The following NADSYN1 variants were observed in gnomAD, a reference collection of about 807,000 sequenced individuals.
NADSYN1 encodes NAD synthetase 1.
Under a neutral mutation model 99.3 loss-of-function variants are expected in NADSYN1, and 80 were observed. The ratio of observed to expected loss-of-function variants is 0.81; its 90% confidence interval spans 0.67 to 0.97. The LOEUF (loss-of-function observed/expected upper bound fraction) is 0.97. Among genes scored for constraint, NADSYN1 ranks in the 50% least tolerant of loss-of-function variants. The pLI is 0.00. For synonymous variants in NADSYN1, 385 were observed against 372.1 expected, an observed-to-expected ratio of 1.03 and a Z score of -0.40; for missense variants, 859 against 948.5, an observed-to-expected ratio of 0.91 and a Z score of 1.24.
intron 16 of NADSYN1, among the ~76,000 whole-genome samples, chr11:71,489,773 C>T (rs747548064): frequency 5.3e-5 from 8 of 152,128 alleles, no homozygotes; most frequent in Non-Finnish European, 1.2e-4. Flanking sequence ...TGAGAAGGCA[C>T]GGAGGTGTGA....
intron 16 of NADSYN1, among the ~76,000 whole-genome samples, chr11:71,486,684 C>T (rs1949745026): frequency 1.3e-5 from 2 of 152,132 alleles, no homozygotes; most frequent in African/African-American, 4.8e-5. Context: ...TTCATCTGTC[C>T]ACCCAACCCA....
At position 71,501,440 on chromosome 11, in the gene NADSYN1, A is replaced by G. The variant is rs762677113; in HGVS notation, c.*88A>G. 6.1e-6 allele frequency: 8 copies of G among 1,318,548 alleles called. No homozygotes were observed. The highest frequency in any genetic ancestry group is 8.4e-6 in the Non-Finnish European group (8 of 948,622). The allele number at this position is 1,318,548 out of a possible 1,614,324, so 81.7% of individuals were successfully genotyped here. ...CTGGAGCCAAGGGTAGGAGCCCTAC[A>G]CTAGGAGCCCAGGATGGGACGGCGC... On this transcript the variant is annotated 3_prime_UTR_variant, in exon 21 of 21. Transcript: ENST00000319023.
intron 8 of NADSYN1, among the ~76,000 whole-genome samples, 177 bp from the exon 9 acceptor site, chr11:71,474,213 AGGCGG>A (rs1164296632): frequency 6.6e-6 from 1 of 152,012 alleles, no homozygotes; most frequent in Non-Finnish European, 1.5e-5. Context: ...GCACCTAGCA[AGGCGG>A]GGCTCGCCGC....
chr11:71,473,435 G>A (rs1949642049), intron 7 of NADSYN1, 69 bp downstream of exon 7: 1 of 1,568,042 alleles, frequency 6.4e-7, no homozygotes, highest in Non-Finnish European at 8.8e-7. Flanking sequence ...ACCTGGGACT[G>A]CAGACGTCCT....
At chr11:71,501,246 A>G in intron 20 of NADSYN1, 56 bp from the exon 21 acceptor site, 1 of 1,443,130 alleles carries the variant, frequency 6.9e-7, no homozygotes, top group African/African-American at 1.4e-5. Flanking sequence ...CCAGTGTTTC[A>G]ACAGCCCCAC....
intron 9 of NADSYN1, chr11:71,474,731 G>A: frequency 3.5e-6 from 2 of 566,092 alleles, no homozygotes; most frequent in South Asian, 3.8e-5. Flanking sequence ...CCTGCTCCTG[G>A]CTCTCCCCTG....
chr11:71,472,537 T>C lies in NADSYN1; in HGVS notation c.459+37T>C, dbSNP rs772729979. ...GGTGTGGAGCCCGTTTTTCAGTCGG[T>C]TGTCGCTGTTCTCGGCCAACAGTGG... On this transcript the variant is annotated intron_variant, in intron 6 of 20. Coordinates refer to ENST00000319023, the MANE Select transcript of NADSYN1 (RefSeq NM_018161.5). 6.3e-6 allele frequency: 10 copies of C among 1,584,620 alleles called. No individual in the cohort carries two copies. The East Asian group carries it at 2.2e-4, about 35-fold the overall frequency.
intron 11 of NADSYN1, 61 bp from the exon 12 acceptor site, chr11:71,481,295 T>G: frequency 1.3e-6 from 2 of 1,558,972 alleles, no homozygotes; most frequent in Non-Finnish European, 1.8e-6. Context: ...CTTGGGTGGG[T>G]TGTTGGGTGC....
intron 18 of NADSYN1, among the ~76,000 whole-genome samples, chr11:71,495,473 G>T (rs568741426): frequency 1.3e-5 from 2 of 152,206 alleles, no homozygotes; most frequent in East Asian, 3.8e-4. Flanking sequence ...GTGTGCCCTT[G>T]GGAGGAAGGT....
intron 14 of NADSYN1, 48 bp downstream of exon 14, chr11:71,483,065 C>G: frequency 6.2e-7 from 1 of 1,606,050 alleles, no homozygotes. Flanking sequence ...TGACAGAGCT[C>G]AGAGTCACTG....
rs1949728887 is a variant in NADSYN1, at chr11:71,484,453, C to T, written c.1455+6C>T. On this transcript the variant is annotated splice_donor_region_variant and intron_variant, in intron 15 of 20. Transcript: ENST00000319023. ...TGGCGCTGCAAAATGTGCAGGTGCC[C>T]CCGCCTGGGCCGGCGTCCCCTGGGG... is the stretch of plus-strand genomic sequence containing the variant. 1.2e-6 allele frequency: 2 copies of T among 1,611,596 alleles called. No homozygotes were observed. The highest frequency in any genetic ancestry group is 1.3e-5 in the African/African-American group (1 of 75,030).
At chr11:71,497,745 C>T (rs780701953) in intron 19 of NADSYN1, 134 bp downstream of exon 19, 36 of 1,197,036 alleles carry the variant, frequency 3.0e-5, no homozygotes, top group Non-Finnish European at 4.2e-5. Flanking sequence ...CACACAGTAA[C>T]ACTTTTCAGT....
chr11:71,499,419 C>T (rs559729386), intron 20 of NADSYN1: 1 of 152,340 alleles, frequency 6.6e-6, no homozygotes, highest in South Asian at 2.1e-4. Context: ...CTGGCATGCA[C>T]TCCTTTTGGC....
intron 10 of NADSYN1, chr11:71,478,988 G>A (rs1591129971): frequency 1.2e-5 from 2 of 162,770 alleles, no homozygotes; most frequent in South Asian, 1.7e-4. Flanking sequence ...GCAGGACATC[G>A]TCACAAATAG....
At chr11:71,498,200 G>A (rs1174053466) in intron 19 of NADSYN1, 152 bp from the exon 20 acceptor site, 8 of 858,182 alleles carry the variant, frequency 9.3e-6, no homozygotes, top group South Asian at 1.8e-5. Flanking sequence ...TCCCCGGCCT[G>A]AGCACGGGCA....
intron 18 of NADSYN1, among the ~76,000 whole-genome samples, chr11:71,492,136 G>A (rs1289245781): frequency 1.3e-5 from 2 of 152,208 alleles, no homozygotes; most frequent in Non-Finnish European, 2.9e-5. Context: ...GGAGGGGAGG[G>A]AGAGCAGATG....
intron 13 of NADSYN1, among the ~76,000 whole-genome samples, chr11:71,482,390 C>T (rs1043342606): frequency 1.3e-5 from 2 of 152,192 alleles, no homozygotes; most frequent in African/African-American, 4.8e-5. Context: ...TGATGATGCC[C>T]GATGGATGGG....
rs776237796 is a variant in NADSYN1, at chr11:71,463,534, G to A, written c.317+49G>A. ...GGAGGGTGACTGGGGCCTCTCCCTG[G>A]CTCTCAGCTGAGGGCTGCCAGGACC... On this transcript the variant is annotated intron_variant, in intron 4 of 20. Coordinates refer to ENST00000319023, the MANE Select transcript of NADSYN1 (RefSeq NM_018161.5). 5 of 1,573,486 alleles carry A rather than the reference G, an allele frequency of 3.2e-6. No individual in the cohort carries two copies. In the South Asian group the frequency reaches 5.6e-5, roughly 18 times the overall value.
intron 9 of NADSYN1, chr11:71,477,208 C>T: frequency 1.7e-6 from 2 of 1,184,174 alleles, no homozygotes; most frequent in Middle Eastern, 2.4e-4. Context: ...TGCCTGGAGT[C>T]AGGCCGCCGT....
Sources: gnomAD v4.1 joint callset for allele counts (sites outside exome capture counted in the v4.1 genomes callset) on GRCh38, gnomAD v4.1.1 for gene constraint, MANE v1.5 for transcripts, NCBI Gene and HGNC (gene_info 2026-07-23, HGNC 2026-07-21) for gene names.